The following GRIP1 variants were observed in gnomAD, a reference collection of about 807,000 sequenced individuals.
GRIP1 encodes the protein glutamate receptor interacting protein 1, also known as glutamate receptor-interacting protein 1.
GRIP1 carries 45 observed loss-of-function variants against 129.9 expected under a neutral mutation model. That is an observed-to-expected ratio of 0.35 (90% CI 0.27 to 0.44). The LOEUF is 0.44. GRIP1 is among the 20% of genes least tolerant of loss of function. The pLI, the probability that GRIP1 is intolerant of heterozygous loss-of-function variation, is 1.00. For missense variants in GRIP1, 1,196 were observed against 1,396.8 expected, an observed-to-expected ratio of 0.86 and a Z score of 2.29; for synonymous variants, 530 against 520.8, an observed-to-expected ratio of 1.02 and a Z score of -0.24.
At chr12:67,068,030 C>A (rs1380829908) in intron 1 of GRIP1, among the ~76,000 whole-genome samples, 2 of 152,156 alleles carry the variant, frequency 1.3e-5, no homozygotes, top group Non-Finnish European at 2.9e-5. Flanking sequence ...CCTGGTGGAC[C>A]TTGCCAGCCA....
At chr12:66,939,155 T>C (rs2041542161) in intron 1 of GRIP1, among the ~76,000 whole-genome samples, 1 of 152,050 alleles carries the variant, frequency 6.6e-6, no homozygotes, top group Non-Finnish European at 1.5e-5. Flanking sequence ...CAGCTTTATC[T>C]GAGAAGATGG....
At chr12:66,584,372 C>A (rs1216625550) in intron 2 of GRIP1, among the ~76,000 whole-genome samples, 2 of 151,882 alleles carry the variant, frequency 1.3e-5, no homozygotes, top group African/African-American at 4.8e-5. Context: ...CTAACCTGCA[C>A]ATTGTGCACA....
chr12:66,966,953 G>GC (rs2042006582), intron 1 of GRIP1, among the ~76,000 whole-genome samples: 1 of 152,106 alleles, frequency 6.6e-6, no homozygotes, highest in Non-Finnish European at 1.5e-5. Flanking sequence ...TGAAGTATCT[G>GC]CATCAATTGT....
chr12:66,763,285 C>T (rs1302314409), intron 1 of GRIP1, among the ~76,000 whole-genome samples: 1 of 152,068 alleles, frequency 6.6e-6, no homozygotes. Context: ...AATCAGACAC[C>T]CTTGCAATCC....
At chr12:66,460,035 A>C (rs945167925) in intron 9 of GRIP1, among the ~76,000 whole-genome samples, 3 of 152,154 alleles carry the variant, frequency 2.0e-5, no homozygotes, top group African/African-American at 7.2e-5. Context: ...AATGTTCACA[A>C]TATTCCTTTG....
At chr12:66,605,183 C>T (rs543346269) in intron 1 of GRIP1, among the ~76,000 whole-genome samples, 6 of 151,918 alleles carry the variant, frequency 3.9e-5, no homozygotes, top group African/African-American at 1.4e-4. Context: ...ATGGAAAAGA[C>T]TGAAAGTGAT....
At chr12:66,555,873 A>G (rs1592543089) in intron 2 of GRIP1, among the ~76,000 whole-genome samples, 1 of 151,848 alleles carries the variant, frequency 6.6e-6, no homozygotes, top group Non-Finnish European at 1.5e-5. Flanking sequence ...AATAGAGGAG[A>G]CAAAAGAAAA....
intron 1 of GRIP1, among the ~76,000 whole-genome samples, chr12:66,710,052 T>A (rs909479414): frequency 6.6e-6 from 1 of 151,978 alleles, no homozygotes; most frequent in South Asian, 2.1e-4. Flanking sequence ...ACTGCGGTGA[T>A]CACCTGGCTG....
intron 1 of GRIP1, among the ~76,000 whole-genome samples, chr12:67,028,957 G>A (rs2042979483): frequency 6.6e-6 from 1 of 152,112 alleles, no homozygotes; most frequent in East Asian, 1.9e-4. Flanking sequence ...AGATTCATCA[G>A]TATTATAATT....
chr12:66,612,643 A>C (rs1392127202), intron 1 of GRIP1, among the ~76,000 whole-genome samples: 2 of 146,192 alleles, frequency 1.4e-5, no homozygotes, highest in African/African-American at 2.5e-5. Flanking sequence ...CAAAACAAAC[A>C]AACCACAAAA....
chr12:67,036,611 G>A (rs972239126), intron 1 of GRIP1, among the ~76,000 whole-genome samples: 6 of 152,028 alleles, frequency 3.9e-5, no homozygotes, highest in African/African-American at 1.2e-4. Context: ...GATTACAGGC[G>A]TGAGCCACCG....
In GRIP1 at chr12:66,810,245, A is replaced by G. The variant is rs984229987; in HGVS notation, c.59-213318T>C. ...TTAGCTTCTAGGCTCAAATAATTAT[A>G]AATAGATTTTCATTTATAAGAGTTT... On this transcript the variant is annotated intron_variant, in intron 1 of 1. Transcript: ENST00000643019. Among the ~76,000 whole-genome samples, 2 of 152,202 alleles carry G rather than the reference A, an allele frequency of 1.3e-5. 1 individual carries two copies. Among genetic ancestry groups the G allele is most frequent in the African/African-American group, 4.8e-5 (2 of 41,456 alleles).
At chr12:67,058,446 T>C (rs1007896774) in intron 1 of GRIP1, among the ~76,000 whole-genome samples, 2 of 152,254 alleles carry the variant, frequency 1.3e-5, no homozygotes, top group African/African-American at 4.8e-5. Flanking sequence ...TGAGTACATG[T>C]AGTGATCTAT....
intron 22 of GRIP1, among the ~76,000 whole-genome samples, chr12:66,375,105 T>A (rs1239542912): frequency 6.6e-6 from 1 of 152,142 alleles, no homozygotes; most frequent in Non-Finnish European, 1.5e-5. Flanking sequence ...TGATCATTAA[T>A]CAAGAAAGGG....
chr12:66,980,930 C>G (rs950077714), intron 1 of GRIP1, among the ~76,000 whole-genome samples: 1 of 152,198 alleles, frequency 6.6e-6, no homozygotes, highest in African/African-American at 2.4e-5. Flanking sequence ...GAGCATTGGC[C>G]AAATTACCAC....
At position 66,621,816 on chromosome 12, in the gene GRIP1, G is replaced by A. The variant is rs963502883; in HGVS notation, c.56-24889C>T. 9.2e-5 allele frequency among the ~76,000 whole-genome samples: 14 copies of A among 151,932 alleles called. 1 individual carries two copies. The highest frequency in any genetic ancestry group is 2.9e-5 in the Non-Finnish European group (2 of 67,958). ...GGATATAAAGTGCTATCTTACTATG[G>A]TTTTGATTTGCATCTCCCTAATGTC... On this transcript the variant is annotated intron_variant, in intron 1 of 24. Coordinates refer to ENST00000359742, the MANE Select transcript of GRIP1 (RefSeq NM_001366722.1).
At chr12:66,532,731 G>A (rs148652250) in intron 4 of GRIP1, among the ~76,000 whole-genome samples, 4 of 152,174 alleles carry the variant, frequency 2.6e-5, no homozygotes, top group African/African-American at 9.6e-5. Flanking sequence ...TAAATCACAT[G>A]GAGGAGACCT....
In GRIP1 at chr12:66,786,585, C is replaced by T. The variant is rs568848876; in HGVS notation, c.-420+17468G>A. ...TTCCCAGCAGCCCCCAGTGCTTTAC[C>T]CAGTATCTACTGGTGAGCACTCAAG... On this transcript the variant is annotated intron_variant, in intron 1 of 4. Transcript: ENST00000538373. Among the ~76,000 whole-genome samples the T allele has an allele frequency of 5.2e-3, 786 of 152,276 alleles. 5 individuals carry two copies. The highest frequency in any genetic ancestry group is 9.5e-3 in the Non-Finnish European group (645 of 68,020).
intron 16 of GRIP1, among the ~76,000 whole-genome samples, chr12:66,405,551 A>G (rs2057161312): frequency 6.6e-6 from 1 of 152,160 alleles, no homozygotes; most frequent in African/African-American, 2.4e-5. Context: ...TGGTGCCAGG[A>G]TCTGTGTTTT....
Sources: allele counts gnomAD v4.1 joint callset (sites outside exome capture counted in the v4.1 genomes callset), GRCh38; gene constraint gnomAD v4.1.1; transcripts MANE v1.5; gene names NCBI Gene and HGNC (gene_info 2026-07-23, HGNC 2026-07-21).